SYCP1: variants seen among roughly 807,000 people sequenced by gnomAD.
SYCP1 encodes the protein cancer/testis antigen 8.
In SYCP1, 64 loss-of-function variants were observed where a neutral mutation model predicts 153.1. The observed-to-expected ratio is 0.42, with a 90% CI of 0.34 to 0.51. The LOEUF is 0.51. Among genes scored for constraint, SYCP1 ranks in the 20% least tolerant of loss-of-function variants. The pLI, the probability that SYCP1 is intolerant of heterozygous loss-of-function variation, is 0.06. For synonymous variants in SYCP1, 384 were observed against 341.8 expected, an observed-to-expected ratio of 1.12 and a Z score of -1.36; for missense variants, 997 against 1,049.0, an observed-to-expected ratio of 0.95 and a Z score of 0.68.
chr1:114,872,099 C>T lies in SYCP1; in HGVS notation c.599-2407C>T, dbSNP rs1227104276. Among the ~76,000 whole-genome samples the T allele has an allele frequency of 2.7e-5, 4 of 149,238 alleles. No individual in the cohort carries two copies. The South Asian group carries it at 8.4e-4, about 31-fold the overall frequency. ...TCAAGTGATCCTCCCACTTTGGCCT[C>T]CCAAAGCACTGGAATTACAGGTGTG... is the stretch of plus-strand genomic sequence containing the variant. On this transcript the variant is annotated intron_variant, in intron 8 of 31. Transcript: ENST00000369522.
chr1:114,984,919 A>G (rs1673399564), intron 30 of SYCP1, 51 bp downstream of exon 30: 11 of 960,994 alleles, frequency 1.1e-5, no homozygotes, highest in Non-Finnish European at 1.2e-5. Context: ...ACTTATTTGT[A>G]TACTATTTTC....
In SYCP1 at chr1:114,907,387, T is replaced by C. The variant is rs1570745789; in HGVS notation, c.1321-3010T>C. On this transcript the variant is annotated intron_variant, in intron 16 of 31. Transcript: ENST00000369522. ...TTGTTTTCCGTTTGCTCCTTTGTTT[T>C]GTTCCTCTTTTAAACTCTCTGCCTT... 2.0e-5 allele frequency among the ~76,000 whole-genome samples: 3 copies of C among 152,198 alleles called. No homozygotes were observed. In the East Asian group the frequency reaches 5.8e-4, roughly 29 times the overall value.
intron 23 of SYCP1, among the ~76,000 whole-genome samples, chr1:114,931,709 G>T (rs1669647795): frequency 6.6e-6 from 1 of 152,084 alleles, no homozygotes; most frequent in Non-Finnish European, 1.5e-5. Context: ...TTTTTTAGTA[G>T]ACTTTTACAT....
Position 114,981,553 on chromosome 1 carries a change from A to G in SYCP1, c.2559+41A>G, listed in dbSNP as rs145962580. The G allele has an allele frequency of 2.3e-4, 346 of 1,507,280 alleles. 7 individuals are homozygous for G. In the East Asian group the frequency reaches 8.2e-3, roughly 36 times the overall value. The allele number at this position is 1,507,280 out of a possible 1,614,324, so 93.4% of individuals were successfully genotyped here. On this transcript the variant is annotated intron_variant, in intron 29 of 31. Coordinates refer to ENST00000369522, the MANE Select transcript of SYCP1 (RefSeq NM_003176.4). ...TTCCATGTTAGTAGTAATTTTTTAA[A>G]TAAATAAATAAAGTTCTGTTATCAC...
chr1:114,940,303 G>A (rs1670304210), intron 23 of SYCP1, among the ~76,000 whole-genome samples: 2 of 152,070 alleles, frequency 1.3e-5, no homozygotes, highest in Admixed American at 1.3e-4. Flanking sequence ...CATTATGTTG[G>A]CCAGACTGGT....
At chr1:114,882,746 T>A (rs367807514) in intron 12 of SYCP1, among the ~76,000 whole-genome samples, 1 of 152,092 alleles carries the variant, frequency 6.6e-6, no homozygotes, top group Non-Finnish European at 1.5e-5. Flanking sequence ...AAGGATTTGC[T>A]TTTTTTCCCC....
At chr1:114,919,512 C>T (rs1259920345) in intron 20 of SYCP1, among the ~76,000 whole-genome samples, 1 of 151,780 alleles carries the variant, frequency 6.6e-6, no homozygotes, top group East Asian at 1.9e-4. Flanking sequence ...TAATACTTGC[C>T]TCACAGAATG....
intron 2 of SYCP1, 29 bp downstream of exon 2, chr1:114,855,601 CTCT>C: frequency 6.7e-7 from 1 of 1,489,574 alleles, no homozygotes; most frequent in Non-Finnish European, 9.2e-7. Flanking sequence ...CTTAATTGGA[CTCT>C]TCTTAACTTT....
In SYCP1 at chr1:114,856,673, A is replaced by G. The variant is rs1173002456; in HGVS notation, c.193+16A>G. 2 of 1,586,524 alleles carry G rather than the reference A, an allele frequency of 1.3e-6. No individual in the cohort carries two copies. Among genetic ancestry groups the G allele is most frequent in the Admixed American group, 1.7e-5 (1 of 57,648 alleles). On this transcript the variant is annotated intron_variant, in intron 3 of 31. Coordinates refer to ENST00000369522, the MANE Select transcript of SYCP1 (RefSeq NM_003176.4). Reference sequence around the variant, plus strand: ...ATTGATTCAGGTAGGAGCATGGAAAAGCAGTGTATCAGCTTATATAGAAAC... The same window carrying G: ...ATTGATTCAGGTAGGAGCATGGAAAGGCAGTGTATCAGCTTATATAGAAAC...
At chr1:114,989,877 G>A (rs72695852) in intron 30 of SYCP1, among the ~76,000 whole-genome samples, 9,254 of 152,012 alleles carry the variant, frequency 0.061, 320 homozygotes, top group Middle Eastern at 0.14. Context: ...TAGAATTGAA[G>A]GGAGAAACAG....
Position 114,899,431 on chromosome 1 carries a change from T to C in SYCP1, c.1320+3922T>C, listed in dbSNP as rs1557782293. Among the ~76,000 whole-genome samples, 13 of 152,238 alleles carry C rather than the reference T, an allele frequency of 8.5e-5. 1 individual carries two copies. The highest frequency in any genetic ancestry group is 8.5e-4 in the Admixed American group (13 of 15,290). On this transcript the variant is annotated intron_variant, in intron 16 of 31. Coordinates refer to ENST00000369522, the MANE Select transcript of SYCP1 (RefSeq NM_003176.4). ...TTCTTTTCCTTGATATTCATGAACA[T>C]TTTAGCTCTTCATGAATTCTGTACA...
Position 114,908,410 on chromosome 1 carries a change from A to G in SYCP1, c.1321-1987A>G, listed in dbSNP as rs113902406. 8.6e-3 allele frequency among the ~76,000 whole-genome samples: 1,314 copies of G among 152,198 alleles called. 9 individuals are homozygous for G. The highest frequency in any genetic ancestry group is 0.013 in the Non-Finnish European group (896 of 67,986). On this transcript the variant is annotated intron_variant, in intron 16 of 31. Transcript: ENST00000369522. ...ATCTGTAAATTTTTAACTTTCTTCA[A>G]ATATGGGAAGTTTTGGCCATTTAAA...
At chr1:114,885,650 A>G (rs754377487) in intron 13 of SYCP1, 21 bp downstream of exon 13, 2 of 1,377,112 alleles carry the variant, frequency 1.5e-6, no homozygotes, top group Non-Finnish European at 2.0e-6. Flanking sequence ...AAAACTCATT[A>G]GTGTGTAATA....
chr1:114,946,247 TCA>T, intron 25 of SYCP1, 40 bp from the exon 26 acceptor site: 1 of 1,012,260 alleles, frequency 9.9e-7, no homozygotes, highest in Non-Finnish European at 1.4e-6. Context: ...TATAATCTAT[TCA>T]GTTTTAATAT....
intron 23 of SYCP1, among the ~76,000 whole-genome samples, chr1:114,932,543 C>T (rs984853239): frequency 7.9e-5 from 12 of 152,152 alleles, no homozygotes; most frequent in African/African-American, 2.7e-4. Flanking sequence ...GGGTTCATCC[C>T]ACTGGGGCTT....
At chr1:114,962,926 G>A (rs1249047343) in intron 27 of SYCP1, among the ~76,000 whole-genome samples, 1 of 152,064 alleles carries the variant, frequency 6.6e-6, no homozygotes, top group East Asian at 1.9e-4. Context: ...CTTCATTTTT[G>A]AAGCTTAGTT....
intron 28 of SYCP1, 87 bp downstream of exon 28, chr1:114,977,703 A>G: frequency 1.2e-6 from 1 of 850,598 alleles, no homozygotes; most frequent in Non-Finnish European, 1.8e-6. Context: ...ATAAGTAGGA[A>G]AATAACATTT....
At position 114,968,559 on chromosome 1, in the gene SYCP1, C is replaced by T. The variant is rs188927061; in HGVS notation, c.2323-8998C>T. Among the ~76,000 whole-genome samples the T allele has an allele frequency of 2.4e-3, 369 of 152,262 alleles. 1 individual carries two copies. The highest frequency in any genetic ancestry group is 8.3e-3 in the African/African-American group (344 of 41,548). ...TTTTCTGTTCTCTAAACTGGTTATTCTAGTTAGCACTTCCTGTAACCTTTT... is the reference window on the plus strand; with the variant it reads ...TTTTCTGTTCTCTAAACTGGTTATTTTAGTTAGCACTTCCTGTAACCTTTT... On this transcript the variant is annotated intron_variant, in intron 27 of 31. Coordinates refer to ENST00000369522, the MANE Select transcript of SYCP1 (RefSeq NM_003176.4).
chr1:114,899,885 G>T (rs1280579463), intron 16 of SYCP1, among the ~76,000 whole-genome samples: 4 of 152,200 alleles, frequency 2.6e-5, no homozygotes, highest in African/African-American at 9.7e-5. Flanking sequence ...CCTGGCGTCA[G>T]GAAAGGCAAT....
Sources: gnomAD v4.1 joint callset for allele counts (sites outside exome capture counted in the v4.1 genomes callset) on GRCh38, gnomAD v4.1.1 for gene constraint, MANE v1.5 for transcripts, NCBI Gene and HGNC (gene_info 2026-07-23, HGNC 2026-07-21) for gene names.